The following OSBPL2 variants were observed in gnomAD, a reference collection of about 807,000 sequenced individuals.
OSBPL2 encodes the protein oxysterol-binding protein-related protein 2.
OSBPL2 carries 18 observed loss-of-function variants against 58.4 expected under a neutral mutation model. The ratio of observed to expected loss-of-function variants is 0.31; its 90% CI spans 0.21 to 0.46. The LOEUF (loss-of-function observed/expected upper bound fraction) is 0.46, where lower values mean the gene tolerates loss of function less well. Among genes scored for constraint, OSBPL2 ranks in the 20% least tolerant of loss-of-function variants. The pLI, the probability that OSBPL2 is intolerant of heterozygous loss-of-function variation, is 1.00. For missense variants in OSBPL2, 461 were observed against 616.5 expected (o/e 0.75, Z 2.67); for synonymous variants, 221 against 234.1 (o/e 0.94, Z 0.51).
intron 12 of OSBPL2, among the ~76,000 whole-genome samples, chr20:62,290,411 G>GTTTTTTTTTTTTTTTTT (rs3065795): frequency 2.6e-5 from 2 of 76,376 alleles, no homozygotes; most frequent in African/African-American, 5.4e-5. Context: ...AATTTTTTGG[G>GTTTTTTTTTTTTTTTTT]TTTTTTTTTT....
At position 62,256,207 on chromosome 20, in the gene OSBPL2, T is replaced by G. The variant is rs1220822027; in HGVS notation, c.23T>G (p.Phe8Cys). 6.8e-6 allele frequency: 11 copies of G among 1,613,796 alleles called. No homozygotes were observed. Among genetic ancestry groups the G allele is most frequent in the Non-Finnish European group, 9.3e-6 (11 of 1,179,868 alleles). The change falls in exon 2 of 14, where the codon TTT becomes TGT. Residue 8 changes from phenylalanine (F) to cysteine (C), a missense_variant. Around this residue, in one of 5 missense-constraint regions of OSBPL2, gnomAD observed 80 missense variants for 74.8 expected, o/e 1.07. Coordinates refer to ENST00000313733, the MANE Select transcript of OSBPL2 (RefSeq NM_144498.4). ...AGGATGAACGGAGAGGAAGAATTCTTTGATGCCGTCACAGGTGAGTCAAAA... is the reference window on the plus strand; with the variant it reads ...AGGATGAACGGAGAGGAAGAATTCTGTGATGCCGTCACAGGTGAGTCAAAA... Reference protein sequence around the residue: MNGEEEFFDAVTGFDSDN... With the variant: MNGEEEFCDAVTGFDSDN...
Position 62,286,722 on chromosome 20 carries a change from C to T in OSBPL2, c.1125+11C>T, listed in dbSNP as rs762288819. On this transcript the variant is annotated intron_variant, in intron 11 of 13. Coordinates refer to ENST00000313733, the MANE Select transcript of OSBPL2 (RefSeq NM_144498.4). ...CCCAACTCTGCCCAGGTCTGTGTCC[C>T]TCCATGGCCTGACGTCTCTGCCTGC... is the stretch of plus-strand genomic sequence containing the variant. 1.9e-6 allele frequency: 3 copies of T among 1,605,930 alleles called. No homozygotes were observed. Among genetic ancestry groups the T allele is most frequent in the Non-Finnish European group, 2.6e-6 (3 of 1,174,404 alleles).
rs1035270863 is a variant in OSBPL2 at position 62,269,381 on chromosome 20, G to A, written c.259-2744G>A. ...GGCTCTGTGGGATAGGTTCCTAGAA[G>A]TGGGGCTGCTGGGTCAGGGGCAAAT... On this transcript the variant is annotated intron_variant, in intron 4 of 13. Transcript: ENST00000313733. This position sits in a 1 kb window ranked among gnomAD's most constrained non-coding sequence, Gnocchi z 4.2. Among the ~76,000 whole-genome samples the A allele has an allele frequency of 8.5e-5, 13 of 152,232 alleles. No homozygotes were observed. The highest frequency in any genetic ancestry group is 7.2e-4 in the Admixed American group (11 of 15,282).
rs191838414 is a variant in OSBPL2, at chr20:62,287,553, C to T, written c.1125+842C>T. 9.8e-5 allele frequency among the ~76,000 whole-genome samples: 15 copies of T among 152,310 alleles called. No individual in the cohort carries two copies. In the East Asian group the frequency reaches 2.9e-3, roughly 29 times the overall value. On this transcript the variant is annotated intron_variant, in intron 11 of 13. Transcript: ENST00000313733. ...CTCACTGCAGGCTCCAATTTCTGGG[C>T]TCAAGTGATCCTCCTACCTCAGCCT... is the stretch of plus-strand genomic sequence containing the variant.
intron 2 of OSBPL2, among the ~76,000 whole-genome samples, chr20:62,259,714 G>A (rs1054508184): frequency 6.6e-6 from 1 of 152,114 alleles, no homozygotes. Context: ...TCATGGCCTG[G>A]GACTGGACCT....
At chr20:62,254,229 A>C (rs1338158980) in intron 1 of OSBPL2, among the ~76,000 whole-genome samples, 1 of 152,116 alleles carries the variant, frequency 6.6e-6, no homozygotes, top group Admixed American at 6.5e-5. Flanking sequence ...AGATCTCAGC[A>C]TGTGTTTGGA....
intron 6 of OSBPL2, 122 bp from the exon 7 acceptor site, chr20:62,279,035 G>A (rs1368825598): frequency 2.6e-6 from 2 of 769,310 alleles, no homozygotes; most frequent in Non-Finnish European, 4.2e-6. Context: ...TCCGCCACAT[G>A]TTGTGGCATG....
chr20:62,287,086 A>G (rs1983184155), intron 11 of OSBPL2, among the ~76,000 whole-genome samples: 1 of 152,242 alleles, frequency 6.6e-6, no homozygotes, highest in African/African-American at 2.4e-5. Context: ...GTCTTATCAA[A>G]AGAGGCTTCC....
intron 4 of OSBPL2, among the ~76,000 whole-genome samples, chr20:62,268,192 C>T (rs192295617): frequency 1.2e-3 from 175 of 152,136 alleles, no homozygotes; most frequent in African/African-American, 4.1e-3. Flanking sequence ...CCACCGCGCC[C>T]GGCCAAATGA....
At position 62,246,357 on chromosome 20, in the gene OSBPL2, C is replaced by T. The variant is rs1442475706; in HGVS notation, c.-129+7760C>T. Among the ~76,000 whole-genome samples the T allele has an allele frequency of 3.3e-5, 5 of 152,232 alleles. No homozygotes were observed. In the East Asian group the frequency reaches 7.7e-4, roughly 23 times the overall value. On this transcript the variant is annotated intron_variant, in intron 1 of 13. Transcript: ENST00000313733. ...TGTAGCCACCTGTGGCCCATAGGGA[C>T]GACACTGGACAGATGACATTTCCAG...
At chr20:62,278,115 T>A (rs928482516) in intron 6 of OSBPL2, among the ~76,000 whole-genome samples, 4 of 152,200 alleles carry the variant, frequency 2.6e-5, no homozygotes, top group African/African-American at 9.7e-5. Flanking sequence ...AAGCGGGGCA[T>A]CAGGGTGGAG....
intron 2 of OSBPL2, among the ~76,000 whole-genome samples, chr20:62,257,027 G>A (rs549231688): frequency 7.9e-5 from 12 of 152,384 alleles, no homozygotes; most frequent in East Asian, 3.9e-4. Context: ...CTTAGGCGTC[G>A]GGATCAGAAA....
chr20:62,287,400 C>T (rs574814000), intron 11 of OSBPL2, among the ~76,000 whole-genome samples: 21 of 152,292 alleles, frequency 1.4e-4, no homozygotes, highest in Admixed American at 7.8e-4. Context: ...ACTTTAAGCA[C>T]GTTATCTCAA....
chr20:62,275,984 G>A (rs930695147), intron 6 of OSBPL2, among the ~76,000 whole-genome samples: 6 of 149,442 alleles, frequency 4.0e-5, no homozygotes, highest in East Asian at 4.0e-4. Flanking sequence ...ATCTCCACTC[G>A]CTGCAACCTC....
At chr20:62,268,140 G>A (rs867242858) in intron 4 of OSBPL2, among the ~76,000 whole-genome samples, 1 of 143,608 alleles carries the variant, frequency 7.0e-6, no homozygotes, top group African/African-American at 2.6e-5. Flanking sequence ...CTTGTGATCC[G>A]CCCACCTCGG....
chr20:62,284,055 G>A lies in OSBPL2; in HGVS notation c.882G>A (p.Lys294=). The A allele has an allele frequency of 6.2e-7, 1 of 1,611,376 alleles. No individual in the cohort carries two copies. Among genetic ancestry groups the A allele is most frequent in the South Asian group, 1.1e-5 (1 of 91,008 alleles). Residue 294 remains lysine (K), a synonymous_variant, in exon 10 of 14, where the codon AAG becomes AAA. Coordinates refer to ENST00000313733, the MANE Select transcript of OSBPL2 (RefSeq NM_144498.4). ...EGHIQDKNKK[K]LFMIYGKWTE... Reference sequence around the variant, plus strand: ...TCCCATTTAATTACAGCAAAAAGAAGCTCTTTATGATCTATGGCAAATGGA... The same window carrying A: ...TCCCATTTAATTACAGCAAAAAGAAACTCTTTATGATCTATGGCAAATGGA...
rs1392340840 is a variant in OSBPL2 at position 62,294,454 on chromosome 20, A to C, written c.*567A>C. 1 of 153,546 alleles carries C rather than the reference A, an allele frequency of 6.5e-6. No individual in the cohort carries two copies. The highest frequency in any genetic ancestry group is 6.5e-5 in the Admixed American group (1 of 15,428). 9.5% of individuals were successfully genotyped at this position (153,546 alleles called of 1,614,324 possible). A position where few individuals can be genotyped will look rare whatever the true frequency, so the allele number is the denominator to read the frequency against. On this transcript the variant is annotated 3_prime_UTR_variant, in exon 14 of 14. Coordinates refer to ENST00000313733, the MANE Select transcript of OSBPL2 (RefSeq NM_144498.4). The stretch of plus-strand genomic sequence containing the variant: ...GATTCTGTATTTTTTAACAATCTTC[A>C]ATAATGTAAAGATTACTTTTAAAAT...
chr20:62,282,529 A>T (rs1035300936), intron 9 of OSBPL2, among the ~76,000 whole-genome samples: 1 of 152,208 alleles, frequency 6.6e-6, no homozygotes, highest in Non-Finnish European at 1.5e-5. Flanking sequence ...ATTAGAAACT[A>T]GTCCCCAATT....
At chr20:62,280,317 G>C (rs949158668) in intron 7 of OSBPL2, 1 of 347,892 alleles carries the variant, frequency 2.9e-6, no homozygotes, top group Non-Finnish European at 5.6e-6. Context: ...GTGTGTCCTG[G>C]GGCTGGTATG....
Sources: allele counts gnomAD v4.1 joint callset (sites outside exome capture counted in the v4.1 genomes callset), GRCh38; gene constraint gnomAD v4.1.1; regional missense constraint gnomAD v4.1.1; non-coding constraint Gnocchi (gnomAD v3.1); transcripts MANE v1.5; gene names NCBI Gene and HGNC (gene_info 2026-07-23, HGNC 2026-07-21).